Variants in TINAG observed in about 807,000 individuals in gnomAD.
TINAG encodes tubulointerstitial nephritis antigen.
Under a neutral mutation model 72.7 loss-of-function variants are expected in TINAG, and 83 were observed. The ratio of observed to expected loss-of-function variants is 1.14; its 90% CI spans 0.96 to 1.37. The LOEUF (loss-of-function observed/expected upper bound fraction) is 1.37, where lower values mean the gene tolerates loss of function less well. Among genes scored for constraint, TINAG ranks in the 40% most tolerant of loss-of-function variants. TINAG has a pLI of 0.00. For missense variants in TINAG, 685 were observed against 576.6 expected (o/e 1.19, Z -1.93); for synonymous variants, 234 against 189.9 (o/e 1.23, Z -1.91).
intron 1 of TINAG, among the ~76,000 whole-genome samples, chr6:54,318,261 T>C (rs556686382): frequency 1.2e-4 from 18 of 152,290 alleles, no homozygotes; most frequent in African/African-American, 4.1e-4. Flanking sequence ...GTCTACTTGA[T>C]ATCTCTGTTA....
intron 1 of TINAG, among the ~76,000 whole-genome samples, chr6:54,316,490 C>T (rs3777652): frequency 2.0e-5 from 3 of 152,006 alleles, no homozygotes; most frequent in African/African-American, 7.3e-5. Flanking sequence ...CACTTGCAGC[C>T]GTTTCTCCAA....
At chr6:54,335,416 A>G (rs868235539) in intron 4 of TINAG, among the ~76,000 whole-genome samples, 11 of 152,220 alleles carry the variant, frequency 7.2e-5, no homozygotes, top group Admixed American at 3.3e-4. Context: ...CAGGAAAGCA[A>G]TAAGAAAAAT....
chr6:54,350,725 A>C (rs1785245764), intron 7 of TINAG, among the ~76,000 whole-genome samples: 1 of 150,076 alleles, frequency 6.7e-6, no homozygotes, highest in African/African-American at 2.5e-5. Context: ...CTTGATTTCC[A>C]GGCAGAATTA....
At chr6:54,374,143 T>C (rs141614252) in intron 9 of TINAG, among the ~76,000 whole-genome samples, 1 of 152,284 alleles carries the variant, frequency 6.6e-6, no homozygotes, top group Non-Finnish European at 1.5e-5. Flanking sequence ...ACACTTGTAA[T>C]CTTCTTGCTT....
chr6:54,356,918 T>TAAA (rs35183858), intron 9 of TINAG, among the ~76,000 whole-genome samples: 3 of 147,236 alleles, frequency 2.0e-5, no homozygotes, highest in Non-Finnish European at 3.0e-5. Context: ...TCCCTCAGAT[T>TAAA]AAAAAAAAAA....
At chr6:54,351,605 G>A (rs576309677) in intron 8 of TINAG, among the ~76,000 whole-genome samples, 117 of 151,938 alleles carry the variant, frequency 7.7e-4, no homozygotes, top group African/African-American at 2.8e-3. Flanking sequence ...TCAGAAGATA[G>A]ACTCATTTAT....
chr6:54,386,855 A>G (rs1764113128), intron 10 of TINAG, among the ~76,000 whole-genome samples: 1 of 152,230 alleles, frequency 6.6e-6, no homozygotes, highest in Non-Finnish European at 1.5e-5. Context: ...TGTGATATCT[A>G]TTAGAAAATG....
chr6:54,325,933 A>G (rs1784592442), intron 3 of TINAG, among the ~76,000 whole-genome samples: 1 of 152,186 alleles, frequency 6.6e-6, no homozygotes, highest in African/African-American at 2.4e-5. Context: ...AATGATTCAT[A>G]AGAGCCTATC....
chr6:54,322,438 C>T (rs1031015461), intron 3 of TINAG, among the ~76,000 whole-genome samples: 6 of 152,276 alleles, frequency 3.9e-5, no homozygotes, highest in South Asian at 2.1e-4. Context: ...TTCAGGATTT[C>T]TCCACTGCCA....
At chr6:54,310,761 C>T (rs1010077150) in intron 1 of TINAG, among the ~76,000 whole-genome samples, 1 of 126,158 alleles carries the variant, frequency 7.9e-6, no homozygotes, top group African/African-American at 3.0e-5. Flanking sequence ...TTTCTTTTTT[C>T]TCTCTCTTTC....
chr6:54,321,452 G>C (rs962651230), intron 3 of TINAG, 66 bp downstream of exon 3: 1 of 1,109,072 alleles, frequency 9.0e-7, no homozygotes, highest in African/African-American at 1.6e-5. Flanking sequence ...TCAATGTATT[G>C]CTTGGTTTCT....
intron 9 of TINAG, among the ~76,000 whole-genome samples, chr6:54,364,676 C>T (rs892984701): frequency 6.6e-6 from 1 of 151,124 alleles, no homozygotes; most frequent in Non-Finnish European, 1.5e-5. Flanking sequence ...GTTAAGAATA[C>T]AGTTTTATAA....
chr6:54,327,267 G>C (rs1784629911), intron 4 of TINAG: 11 of 1,332,700 alleles, frequency 8.3e-6, no homozygotes, highest in Non-Finnish European at 1.1e-5. Flanking sequence ...CATCTCATTG[G>C]GACTGGTTAG....
intron 6 of TINAG, 88 bp downstream of exon 6, chr6:54,347,605 A>G (rs973404595): frequency 5.8e-6 from 8 of 1,386,682 alleles, no homozygotes; most frequent in Non-Finnish European, 7.8e-6. Flanking sequence ...GATTTTTACA[A>G]AAAAGTACTT....
chr6:54,328,783 C>T (rs1029759308), intron 4 of TINAG, among the ~76,000 whole-genome samples: 3 of 151,686 alleles, frequency 2.0e-5, no homozygotes, highest in African/African-American at 7.3e-5. Flanking sequence ...CATAAATGAC[C>T]TGATGGAGCT....
chr6:54,354,957 C>T (rs530384190), intron 9 of TINAG, among the ~76,000 whole-genome samples: 23 of 151,678 alleles, frequency 1.5e-4, no homozygotes, highest in South Asian at 8.3e-4. Flanking sequence ...AAATCCAAGG[C>T]GTATTATGGT....
chr6:54,337,407 C>A (rs1431208011), intron 4 of TINAG, among the ~76,000 whole-genome samples: 1 of 152,076 alleles, frequency 6.6e-6, no homozygotes, highest in African/African-American at 2.4e-5. Context: ...GCATCTGCCA[C>A]CAAGCCCGGC....
At chr6:54,385,876 A>C (rs1054346334) in intron 10 of TINAG, among the ~76,000 whole-genome samples, 3 of 131,658 alleles carry the variant, frequency 2.3e-5, no homozygotes, top group African/African-American at 3.3e-5. Context: ...AAAAAAAAAC[A>C]TGATTTTTTT....
chr6:54,387,538 G>A (rs1334744077), intron 10 of TINAG, among the ~76,000 whole-genome samples: 1 of 152,106 alleles, frequency 6.6e-6, no homozygotes, highest in East Asian at 1.9e-4. Flanking sequence ...AACCTGATGG[G>A]GAGTGGAGGG....
Sources: allele counts gnomAD v4.1 joint callset (sites outside exome capture counted in the v4.1 genomes callset), GRCh38; gene constraint gnomAD v4.1.1; transcripts MANE v1.5; gene names NCBI Gene and HGNC (gene_info 2026-07-23, HGNC 2026-07-21).